RREB1: variants seen among roughly 807,000 people sequenced by gnomAD.
The protein encoded by RREB1 is ras-responsive element-binding protein 1.
A neutral mutation model predicts 117.8 loss-of-function variants in RREB1; 27 were observed. The ratio of observed to expected loss-of-function variants is 0.23; its 90% CI spans 0.17 to 0.32. The LOEUF is 0.32. RREB1 is among the 10% of genes least tolerant of loss of function. RREB1 has a pLI of 1.00. For synonymous variants in RREB1, 1,298 were observed against 1,026.7 expected (o/e 1.26, Z -5.05); for missense variants, 2,577 against 2,378.2 (o/e 1.08, Z -1.74).
At chr6:7,129,384 G>A (rs9502552) in intron 1 of RREB1, among the ~76,000 whole-genome samples, 5,896 of 152,310 alleles carry the variant, frequency 0.039, 348 homozygotes, top group African/African-American at 0.13. Context: ...GGAGTCCAAA[G>A]TTTTTGAGTA....
chr6:7,162,378 C>T (rs935177428), intron 1 of RREB1, among the ~76,000 whole-genome samples: 2 of 152,136 alleles, frequency 1.3e-5, no homozygotes, highest in Non-Finnish European at 2.9e-5. Context: ...GGAGGCGAAT[C>T]TCTTCTTCAA....
At chr6:7,169,657 A>G (rs150743928) in intron 1 of RREB1, among the ~76,000 whole-genome samples, 2 of 152,222 alleles carry the variant, frequency 1.3e-5, no homozygotes, top group East Asian at 3.9e-4. Flanking sequence ...GCAGGAAGAC[A>G]TGCTCCCTGG....
At chr6:7,232,763 CTTTTTTT>C (rs59522749) in intron 10 of RREB1, among the ~76,000 whole-genome samples, 2 of 136,970 alleles carry the variant, frequency 1.5e-5, no homozygotes, top group African/African-American at 2.7e-5. Context: ...TTTTCTTTTT[CTTTTTTT>C]TTTTTTTTTT....
At chr6:7,242,699 A>AAG (rs1554128712) in intron 11 of RREB1, among the ~76,000 whole-genome samples, 1 of 79,468 alleles carries the variant, frequency 1.3e-5, no homozygotes, top group Non-Finnish European at 2.4e-5. Flanking sequence ...ACTTAAAAAA[A>AAG]AGGGGGGGGG....
chr6:7,129,680 A>G (rs969605354), intron 1 of RREB1, among the ~76,000 whole-genome samples: 2 of 152,208 alleles, frequency 1.3e-5, no homozygotes, highest in Non-Finnish European at 2.9e-5. Flanking sequence ...TTTGCTTGAT[A>G]TTTGACTTTG....
intron 1 of RREB1, among the ~76,000 whole-genome samples, chr6:7,126,336 G>A (rs1192003438): frequency 6.7e-6 from 1 of 149,594 alleles, no homozygotes; most frequent in Non-Finnish European, 1.5e-5. Context: ...TGCCCAGGCT[G>A]GAGTGCACTA....
At chr6:7,220,286 T>G (rs1241043877) in intron 8 of RREB1, among the ~76,000 whole-genome samples, 1 of 152,232 alleles carries the variant, frequency 6.6e-6, no homozygotes, top group East Asian at 1.9e-4. Context: ...ACAGAAACAC[T>G]TATTTCTGTG....
intron 1 of RREB1, among the ~76,000 whole-genome samples, chr6:7,144,297 A>G (rs1033174086): frequency 6.6e-6 from 1 of 152,250 alleles, no homozygotes; most frequent in African/African-American, 2.4e-5. Flanking sequence ...CAATGTATAC[A>G]TGTATCAAAA....
rs977301791 is a variant in RREB1 at position 7,210,725 on chromosome 6, C to G, written c.426-79C>G. The G allele has an allele frequency of 5.3e-6, 7 of 1,330,098 alleles. No individual in the cohort carries two copies. The African/African-American group carries it at 1.0e-4, about 20-fold the overall frequency. 82.4% of individuals were successfully genotyped at this position (1,330,098 alleles called of 1,614,324 possible). On this transcript the variant is annotated intron_variant, in intron 6 of 12. Coordinates refer to ENST00000379938, the MANE Select transcript of RREB1 (RefSeq NM_001003699.4). ...ACTAAAGAAAATTTAAGTACCAGTGCCTAAATATAAAATATTAAAAACATA... is the reference window on the plus strand; with the variant it reads ...ACTAAAGAAAATTTAAGTACCAGTGGCTAAATATAAAATATTAAAAACATA...
At chr6:7,235,360 C>T (rs1346325848) in intron 10 of RREB1, among the ~76,000 whole-genome samples, 4 of 152,214 alleles carry the variant, frequency 2.6e-5, no homozygotes, top group African/African-American at 9.7e-5. Context: ...GCTCCCTAGG[C>T]TTCTGTGAGG....
chr6:7,130,373 C>T (rs968113506), intron 1 of RREB1, among the ~76,000 whole-genome samples: 2 of 152,176 alleles, frequency 1.3e-5, no homozygotes, highest in Non-Finnish European at 2.9e-5. Flanking sequence ...ATAATCCACG[C>T]GCTCTGGACG....
chr6:7,195,337 G>A (rs1320219429), intron 6 of RREB1, among the ~76,000 whole-genome samples: 3 of 152,172 alleles, frequency 2.0e-5, no homozygotes, highest in East Asian at 1.9e-4. Context: ...ATTTGTTAGC[G>A]AAACTGTACT....
At chr6:7,120,715 G>T (rs1173908918) in intron 1 of RREB1, among the ~76,000 whole-genome samples, 1 of 151,484 alleles carries the variant, frequency 6.6e-6, no homozygotes, top group Non-Finnish European at 1.5e-5. Flanking sequence ...TCTGTCAACA[G>T]GGTGGAGTGC....
At chr6:7,108,126 C>G (rs574750264) in intron 1 of RREB1, 66 bp downstream of exon 1, 1 of 152,340 alleles carries the variant, frequency 6.6e-6, no homozygotes, top group Non-Finnish European at 1.5e-5. Context: ...GGGGCACAGC[C>G]GGAGCGACCT....
chr6:7,161,764 C>T (rs1047439227), intron 1 of RREB1, among the ~76,000 whole-genome samples: 1 of 152,216 alleles, frequency 6.6e-6, no homozygotes, highest in Non-Finnish European at 1.5e-5. Context: ...CCTTCATTCT[C>T]GACGCCTGCC....
intron 4 of RREB1, chr6:7,183,699 C>G (rs1764924815): frequency 6.6e-6 from 1 of 152,028 alleles, no homozygotes; most frequent in Admixed American, 6.6e-5. Context: ...CCTTTCTTCT[C>G]CAGGGATCTG....
intron 1 of RREB1, among the ~76,000 whole-genome samples, chr6:7,139,995 G>A (rs934473027): frequency 4.6e-5 from 7 of 152,314 alleles, no homozygotes; most frequent in Admixed American, 2.6e-4. Context: ...AGCTTGCAGT[G>A]TGCTGAATGG....
At chr6:7,159,680 T>C (rs1050189175) in intron 1 of RREB1, among the ~76,000 whole-genome samples, 1 of 152,136 alleles carries the variant, frequency 6.6e-6, no homozygotes, top group African/African-American at 2.4e-5. Context: ...TTTTTACTTA[T>C]TGTTGGTGGC....
At chr6:7,150,617 C>A (rs1022967386) in intron 1 of RREB1, among the ~76,000 whole-genome samples, 5 of 152,132 alleles carry the variant, frequency 3.3e-5, no homozygotes. Flanking sequence ...GAATTGCATA[C>A]CAGAAATAGG....
Sources: gnomAD v4.1 joint callset for allele counts (sites outside exome capture counted in the v4.1 genomes callset) on GRCh38, gnomAD v4.1.1 for gene constraint, MANE v1.5 for transcripts, NCBI Gene and HGNC (gene_info 2026-07-23, HGNC 2026-07-21) for gene names.